The following TTLL11 variants were observed in gnomAD, a reference collection of about 807,000 sequenced individuals.
TTLL11 encodes tubulin polyglutamylase TTLL11.
TTLL11 carries 42 observed loss-of-function variants against 51.7 expected under a neutral mutation model. The observed-to-expected ratio is 0.81, with a 90% CI of 0.64 to 1.05. TTLL11 has a LOEUF of 1.05. Ranked by LOEUF, TTLL11 falls within the 50% of genes least tolerant of loss-of-function variation. The pLI is 0.00. For missense variants in TTLL11, 799 were observed against 940.4 expected, an observed-to-expected ratio of 0.85 and a Z score of 1.97; for synonymous variants, 381 against 383.5, an observed-to-expected ratio of 0.99 and a Z score of 0.08.
In TTLL11 at chr9:121,965,396, AAG is replaced by A. The variant is rs1408234343; in HGVS notation, c.1481+8611_1481+8612del. ...GGACCTTCTTCACAAGGTGGCAGGAAAGAGAGAGAAGCGGGAGCTGCCACACA... is the reference window on the plus strand; with the variant it reads ...GGACCTTCTTCACAAGGTGGCAGGAAAGAGAGAAGCGGGAGCTGCCACACA... On this transcript the variant is annotated intron_variant, in intron 6 of 8. Coordinates refer to ENST00000321582, the MANE Select transcript of TTLL11 (RefSeq NM_001139442.2). Among the ~76,000 whole-genome samples, 5 of 152,336 alleles carry A rather than the reference AAG, an allele frequency of 3.3e-5. No individual in the cohort carries two copies. In the East Asian group the frequency reaches 7.7e-4, roughly 24 times the overall value.
intron 1 of TTLL11, among the ~76,000 whole-genome samples, chr9:122,091,879 C>G (rs902606562): frequency 4.6e-5 from 7 of 152,190 alleles, no homozygotes; most frequent in African/African-American, 1.7e-4. Context: ...CTAAAATGGG[C>G]TCAGGGATGA....
chr9:122,021,350 A>C (rs1844174973), intron 3 of TTLL11, among the ~76,000 whole-genome samples: 1 of 152,172 alleles, frequency 6.6e-6, no homozygotes, highest in Non-Finnish European at 1.5e-5. Flanking sequence ...AGGACAGAGT[A>C]CTGGGAAGGA....
At chr9:122,062,728 C>G (rs1845470246) in intron 1 of TTLL11, among the ~76,000 whole-genome samples, 1 of 151,888 alleles carries the variant, frequency 6.6e-6, no homozygotes, top group Non-Finnish European at 1.5e-5. Context: ...CTCGGCCTCC[C>G]AAAGTGCTGG....
At chr9:121,964,002 G>A (rs1040465855) in intron 6 of TTLL11, among the ~76,000 whole-genome samples, 5 of 151,836 alleles carry the variant, frequency 3.3e-5, no homozygotes, top group African/African-American at 4.8e-5. Flanking sequence ...ATGACAGTTC[G>A]GTTCTTCACT....
At position 121,988,843 on chromosome 9, in the gene TTLL11, G is replaced by A. The variant is rs576641350; in HGVS notation, c.1269+352C>T. Reference sequence around the variant, plus strand: ...ACAATGTCTGACCGCTACTAAGCATGTGGCAAAGGTTGTTGAATGAGTAAG... The same window carrying A: ...ACAATGTCTGACCGCTACTAAGCATATGGCAAAGGTTGTTGAATGAGTAAG... On this transcript the variant is annotated intron_variant, in intron 4 of 8. Coordinates refer to ENST00000321582, the MANE Select transcript of TTLL11 (RefSeq NM_001139442.2). 17 of 397,198 alleles carry A rather than the reference G, an allele frequency of 4.3e-5. No individual in the cohort carries two copies. The South Asian group carries it at 9.3e-4, about 22-fold the overall frequency. The allele number at this position is 397,198 out of a possible 1,614,324, so 24.6% of individuals were successfully genotyped here.
intron 8 of TTLL11, among the ~76,000 whole-genome samples, chr9:121,859,895 C>G (rs752026646): frequency 6.6e-6 from 1 of 152,188 alleles, no homozygotes; most frequent in Non-Finnish European, 1.5e-5. Context: ...GCTGAGTTCC[C>G]GGATAGCTTC....
In TTLL11 at chr9:121,989,469, G is replaced by C. The variant is rs1324285299; in HGVS notation, c.995C>G (p.Pro332Arg). The part of the protein sequence containing the change: ...FCTEPYQEPT[P>R]KNLHRIFMHL... ...CATAAAGATGCGGTGCAGGTTTTTG[G>C]GGGTGGGCTCCTGATATGGCTCGGT... is the stretch of plus-strand genomic sequence containing the variant. The change falls in exon 4 of 9, where the codon CCC (proline) becomes CGC (arginine). Residue 332 changes from proline to arginine, a missense_variant. This residue lies in a region of TTLL11 where 468 missense variants were observed against 612.8 expected (regional missense o/e 0.76). Transcript: ENST00000321582. The surrounding 1 kb of genome is among the most constrained non-coding windows in gnomAD (Gnocchi z 4.2). 4.3e-6 allele frequency: 7 copies of C among 1,614,164 alleles called. No homozygotes were observed. The South Asian group carries it at 7.7e-5, about 18-fold the overall frequency.
chr9:122,076,114 T>C (rs1363309090), intron 1 of TTLL11, among the ~76,000 whole-genome samples: 1 of 152,138 alleles, frequency 6.6e-6, no homozygotes, highest in Non-Finnish European at 1.5e-5. Flanking sequence ...AGACAGATCA[T>C]CTTAATCAAT....
Position 122,093,155 on chromosome 9 carries a change from C to G in TTLL11, c.-7G>C. 6.7e-7 allele frequency: 1 copy of G among 1,496,362 alleles called. No homozygotes were observed. Among genetic ancestry groups the G allele is most frequent in the Non-Finnish European group, 8.8e-7 (1 of 1,129,958 alleles). The allele number at this position is 1,496,362 out of a possible 1,614,324, so 92.7% of individuals were successfully genotyped here. On this transcript the variant is annotated 5_prime_UTR_variant, in exon 1 of 9. An upstream open reading frame in the 5' UTR loses its in-frame stop. Transcript: ENST00000321582. ...CGGAGCTGCCCCGCCGCATGGTGCTCAGGGCCGGGGCCAGTGCCAGTGCCA... is the reference window on the plus strand; with the variant it reads ...CGGAGCTGCCCCGCCGCATGGTGCTGAGGGCCGGGGCCAGTGCCAGTGCCA...
At chr9:122,087,580 A>G (rs1846158705) in intron 1 of TTLL11, among the ~76,000 whole-genome samples, 2 of 152,192 alleles carry the variant, frequency 1.3e-5, no homozygotes, top group Admixed American at 1.3e-4. Flanking sequence ...AGGTCCCGCT[A>G]TGAAATCTCT....
intron 1 of TTLL11, among the ~76,000 whole-genome samples, chr9:122,082,532 A>AGTGAT (rs1846025905): frequency 6.6e-6 from 1 of 150,642 alleles, no homozygotes; most frequent in Non-Finnish European, 1.5e-5. Context: ...GAATCTGAAG[A>AGTGAT]GTGATGTTTA....
intron 8 of TTLL11, among the ~76,000 whole-genome samples, chr9:121,846,949 G>A (rs1469216377): frequency 2.0e-5 from 3 of 152,248 alleles, no homozygotes; most frequent in African/African-American, 7.2e-5. Context: ...GGTGGCTCAC[G>A]CCTGTAATCC....
chr9:122,071,492 G>A (rs1193160656), intron 1 of TTLL11, among the ~76,000 whole-genome samples: 1 of 152,160 alleles, frequency 6.6e-6, no homozygotes, highest in Non-Finnish European at 1.5e-5. Flanking sequence ...TCTGTGGCTG[G>A]AAACCTGGAG....
chr9:121,827,663 T>A (rs1374091375), intron 8 of TTLL11, among the ~76,000 whole-genome samples: 1 of 152,218 alleles, frequency 6.6e-6, no homozygotes, highest in African/African-American at 2.4e-5. Flanking sequence ...GGTCCCACAA[T>A]GGCCCATTCT....
chr9:121,881,589 T>C (rs1685753153), intron 6 of TTLL11, among the ~76,000 whole-genome samples: 1 of 152,220 alleles, frequency 6.6e-6, no homozygotes, highest in Admixed American at 6.5e-5. Context: ...GCGGTACAGG[T>C]GTTGAACACA....
chr9:121,852,047 C>T (rs931233221), intron 8 of TTLL11, among the ~76,000 whole-genome samples: 4 of 152,204 alleles, frequency 2.6e-5, no homozygotes, highest in African/African-American at 7.2e-5. Flanking sequence ...GACTGAGACT[C>T]GGGGCTGGCC....
chr9:122,019,811 C>T (rs1352603904), intron 3 of TTLL11, among the ~76,000 whole-genome samples: 1 of 152,142 alleles, frequency 6.6e-6, no homozygotes. Context: ...GTAGGAGGGA[C>T]CCAGTGGGAG....
At position 121,816,527 on chromosome 9, in the gene TTLL11, G is replaced by T. The variant is rs1836409777; in HGVS notation, c.*6060C>A. 1.4e-5 allele frequency: 2 copies of T among 143,046 alleles called. No homozygotes were observed. The highest frequency in any genetic ancestry group is 4.6e-4 in the South Asian group (2 of 4,310). The allele number at this position is 143,046 out of a possible 1,614,324, so 8.9% of individuals were successfully genotyped here. ...TGCCATTTTCTACCAAAGCTCAACGGTGCTCAGTGTGTGTGTGTGCGTGCG... is the reference window on the plus strand; with the variant it reads ...TGCCATTTTCTACCAAAGCTCAACGTTGCTCAGTGTGTGTGTGTGCGTGCG... On this transcript the variant is annotated 3_prime_UTR_variant, in exon 9 of 9. Coordinates refer to ENST00000321582, the MANE Select transcript of TTLL11 (RefSeq NM_001139442.2).
Position 122,060,231 on chromosome 9 carries a change from C to T in TTLL11, c.463-20863G>A, listed in dbSNP as rs187636007. ...CATTCAAGGTCATCTTAGAATTCTT[C>T]CCACCACACTTGCTGAGTTTTCACT... On this transcript the variant is annotated intron_variant, in intron 1 of 8. Transcript: ENST00000321582. Among the ~76,000 whole-genome samples the T allele has an allele frequency of 1.7e-4, 26 of 152,306 alleles. 1 individual carries two copies. The East Asian group carries it at 5.0e-3, about 29-fold the overall frequency.
Sources: gnomAD v4.1 joint callset for allele counts (sites outside exome capture counted in the v4.1 genomes callset) on GRCh38, gnomAD v4.1.1 for gene constraint, gnomAD v4.1.1 regional missense constraint, Gnocchi (gnomAD v3.1) non-coding constraint, MANE v1.5 for transcripts, NCBI Gene and HGNC (gene_info 2026-07-23, HGNC 2026-07-21) for gene names.